DGKK: variants seen among roughly 807,000 people sequenced by gnomAD.
DGKK encodes the protein 142 kDa diacylglycerol kinase.
DGKK carries 35 observed loss-of-function variants against 92.2 expected under a neutral mutation model. The observed-to-expected ratio is 0.38, with a 90% CI of 0.29 to 0.50. DGKK has a LOEUF of 0.50. Ranked by LOEUF, DGKK falls within the 20% of genes least tolerant of loss-of-function variation. The pLI is 0.92. For synonymous variants in DGKK, 368 were observed against 360.6 expected (o/e 1.02, Z -0.23); for missense variants, 910 against 992.2 (o/e 0.92, Z 1.11).
chrX:50,424,818 G>A (rs1925692183), intron 1 of DGKK, among the ~76,000 whole-genome samples: 1 of 111,236 alleles, frequency 9.0e-6, no homozygotes, highest in South Asian at 3.9e-4. Flanking sequence ...TTCCTTGTTC[G>A]CAAGCCTCCA....
At chrX:50,382,126 A>G (rs1257221716) in intron 18 of DGKK, among the ~76,000 whole-genome samples, 3 of 112,379 alleles carry the variant, frequency 2.7e-5, no homozygotes, top group African/African-American at 6.5e-5. Flanking sequence ...ATACTTTGCA[A>G]CTTTGTCAAG....
intron 15 of DGKK, 98 bp from the exon 16 acceptor site, chrX:50,384,922 T>G: frequency 1.2e-5 from 7 of 572,683 alleles, no homozygotes; most frequent in Non-Finnish European, 2.0e-5. Flanking sequence ...AAAGATTAAT[T>G]ACACTTATTG....
At chrX:50,433,834 T>C (rs1468935908) in intron 1 of DGKK, among the ~76,000 whole-genome samples, 1 of 110,778 alleles carries the variant, frequency 9.0e-6, no homozygotes, top group East Asian at 2.9e-4. Context: ...AAAAGAAGCG[T>C]TTTGGTCACA....
At chrX:50,427,883 G>A (rs983898728) in intron 1 of DGKK, among the ~76,000 whole-genome samples, 2 of 110,605 alleles carry the variant, frequency 1.8e-5, no homozygotes, top group South Asian at 3.8e-4. Flanking sequence ...TAATTAAAGG[G>A]ACTAAAATGT....
intron 26 of DGKK, among the ~76,000 whole-genome samples, chrX:50,371,086 C>T (rs1557223115): frequency 8.9e-6 from 1 of 112,895 alleles, no homozygotes; most frequent in African/African-American, 3.2e-5. Flanking sequence ...CTAAACATAA[C>T]TCTTAATTAT....
intron 16 of DGKK, 21 bp downstream of exon 16, chrX:50,384,699 A>G (rs1924496762): frequency 8.5e-7 from 1 of 1,182,608 alleles, no homozygotes; most frequent in Admixed American, 2.2e-5. Context: ...GAATAAGGGA[A>G]GAAGACAGAA....
chrX:50,383,004 A>G (rs1557224601), intron 17 of DGKK, among the ~76,000 whole-genome samples: 1 of 112,191 alleles, frequency 8.9e-6, no homozygotes, highest in African/African-American at 3.2e-5. Flanking sequence ...TTAAGTCTGC[A>G]CAACTGCTCT....
intron 1 of DGKK, among the ~76,000 whole-genome samples, chrX:50,453,383 G>A (rs782442407): frequency 9.0e-6 from 1 of 111,353 alleles, no homozygotes; most frequent in East Asian, 2.9e-4. Context: ...CAAGGACATA[G>A]GACATGGGAA....
At chrX:50,375,624 C>A (rs782739775) in intron 24 of DGKK, among the ~76,000 whole-genome samples, 1 of 112,081 alleles carries the variant, frequency 8.9e-6, no homozygotes, top group Non-Finnish European at 1.9e-5. Flanking sequence ...CTGATATGGA[C>A]CTTTCCCTCA....
intron 15 of DGKK, among the ~76,000 whole-genome samples, chrX:50,385,826 G>C (rs1386615668): frequency 8.9e-6 from 1 of 112,120 alleles, no homozygotes; most frequent in Non-Finnish European, 1.9e-5. Flanking sequence ...GGGAGTTGAA[G>C]AGTTTTCATT....
At chrX:50,468,662 CAA>C (rs782507496) in intron 1 of DGKK, among the ~76,000 whole-genome samples, 23 of 111,326 alleles carry the variant, frequency 2.1e-4, no homozygotes, top group Admixed American at 1.7e-3. Context: ...AGATATTTTG[CAA>C]ACTCAAGCCT....
At position 50,374,763 on chromosome X, in the gene DGKK, C is replaced by T. The variant is rs1334383377; in HGVS notation, c.3501+208G>A. On this transcript the variant is annotated intron_variant, in intron 25 of 27. Transcript: ENST00000611977. ...ACCAAAGGAGAGGTTGAGACTTTCT[C>T]TCAAGAGTATGGTAGTCCCTGTGGA... Among the ~76,000 whole-genome samples, 4 of 111,320 alleles carry T rather than the reference C, an allele frequency of 3.6e-5. No individual in the cohort carries two copies. The Admixed American group carries it at 3.8e-4, about 11-fold the overall frequency.
chrX:50,417,662 C>T (rs1353730926), intron 4 of DGKK, among the ~76,000 whole-genome samples: 1 of 110,985 alleles, frequency 9.0e-6, no homozygotes, highest in Non-Finnish European at 1.9e-5. Context: ...TCAGTATCCA[C>T]ACTTGTCCTC....
intron 11 of DGKK, 33 bp downstream of exon 11, chrX:50,391,404 G>A (rs1557225512): frequency 4.0e-5 from 48 of 1,204,625 alleles, no homozygotes; most frequent in Non-Finnish European, 5.2e-5. Context: ...GGGACAGGAA[G>A]AGGCACAAGG....
In DGKK at chrX:50,376,687, G is replaced by T. The variant is rs1216546122; in HGVS notation, c.3272+71C>A. 8.8e-6 allele frequency: 9 copies of T among 1,021,343 alleles called. No individual in the cohort carries two copies. In the African/African-American group the frequency reaches 1.7e-4, roughly 19 times the overall value. The allele number at this position is 1,021,343 out of a possible 1,213,427, so 84.2% of individuals were successfully genotyped here. A position where few individuals can be genotyped will look rare whatever the true frequency, so the allele number is the denominator to read the frequency against. On this transcript the variant is annotated intron_variant, in intron 23 of 27. Coordinates refer to ENST00000611977, the MANE Select transcript of DGKK (RefSeq NM_001013742.4). ...AGGCCAGGCTCCCTAGTAGCCAATA[G>T]ACACAAATTGGCTTCTTCTCCCTAT...
intron 1 of DGKK, among the ~76,000 whole-genome samples, chrX:50,442,763 A>T (rs986190193): frequency 1.8e-5 from 2 of 111,749 alleles, no homozygotes; most frequent in African/African-American, 6.5e-5. Context: ...TCAAGGTGTC[A>T]CCAGACTGTG....
intron 1 of DGKK, among the ~76,000 whole-genome samples, chrX:50,440,343 T>C (rs1272530040): frequency 9.0e-6 from 1 of 111,422 alleles, no homozygotes; most frequent in Non-Finnish European, 1.9e-5. Flanking sequence ...GACATAAAAG[T>C]AAATATCACA....
At chrX:50,416,742 G>A (rs1333325827) in intron 4 of DGKK, among the ~76,000 whole-genome samples, 1 of 111,464 alleles carries the variant, frequency 9.0e-6, no homozygotes, top group African/African-American at 3.3e-5. Context: ...GCCGGGACAA[G>A]TGTAAACTGG....
At chrX:50,418,399 G>A (rs1925489915) in intron 4 of DGKK, among the ~76,000 whole-genome samples, 1 of 111,242 alleles carries the variant, frequency 9.0e-6, no homozygotes, top group African/African-American at 3.3e-5. Context: ...GCAACTAGTA[G>A]GGGATGGCTT....
Sources: allele counts gnomAD v4.1 joint callset (sites outside exome capture counted in the v4.1 genomes callset), GRCh38; gene constraint gnomAD v4.1.1; transcripts MANE v1.5; gene names NCBI Gene and HGNC (gene_info 2026-07-23, HGNC 2026-07-21).